Variants in COL21A1 observed in about 807,000 individuals in gnomAD.
COL21A1 encodes collagen type XXI alpha 1 chain, also known as collagen alpha-1(XXI) chain.
In COL21A1, 149 loss-of-function variants were observed where a neutral mutation model predicts 137.9. The observed-to-expected ratio is 1.08, with a 90% CI of 0.95 to 1.24. COL21A1 has a LOEUF of 1.24. Among genes scored for constraint, COL21A1 ranks in the 50% most tolerant of loss-of-function variants. COL21A1 has a pLI of 0.00. For missense variants in COL21A1, 1,167 were observed against 1,158.4 expected (o/e 1.01, Z -0.11); for synonymous variants, 456 against 391.5 (o/e 1.16, Z -1.95).
At chr6:56,362,945 A>G (rs1766008932) in intron 1 of COL21A1, among the ~76,000 whole-genome samples, 1 of 152,110 alleles carries the variant, frequency 6.6e-6, no homozygotes, top group Non-Finnish European at 1.5e-5. Flanking sequence ...GCTTATCACA[A>G]TGATGCCTTT....
At position 56,337,389 on chromosome 6, in the gene COL21A1, T is replaced by C. The variant is rs563488124; in HGVS notation, c.-39+56582A>G. 2.6e-5 allele frequency among the ~76,000 whole-genome samples: 4 copies of C among 152,376 alleles called. No homozygotes were observed. The East Asian group carries it at 7.7e-4, about 29-fold the overall frequency. ...TATTCCTCTGAGAATAAATTATTTCTTCAAGGGGGTCTGCCTATAAATAGC... is the reference window on the plus strand; with the variant it reads ...TATTCCTCTGAGAATAAATTATTTCCTCAAGGGGGTCTGCCTATAAATAGC... On this transcript the variant is annotated intron_variant, in intron 1 of 28. Coordinates refer to the COL21A1 transcript ENST00000370819.
At chr6:56,131,369 C>T (rs962146389) in intron 12 of COL21A1, among the ~76,000 whole-genome samples, 4 of 150,772 alleles carry the variant, frequency 2.7e-5, no homozygotes, top group African/African-American at 9.8e-5. Flanking sequence ...TATGCGCTCA[C>T]AAAATAATTG....
intron 1 of COL21A1, among the ~76,000 whole-genome samples, chr6:56,234,619 CA>C (rs1283917161): frequency 6.6e-6 from 1 of 151,388 alleles, no homozygotes; most frequent in Non-Finnish European, 1.5e-5. Flanking sequence ...TTCTAAAATA[CA>C]AAAAATTTGC....
At chr6:56,197,880 A>C in intron 1 of COL21A1, among the ~76,000 whole-genome samples, 1 of 152,080 alleles carries the variant, frequency 6.6e-6, no homozygotes, top group East Asian at 1.9e-4. Context: ...TAAAATCACT[A>C]TCTCAAAGAG....
At chr6:56,127,202 A>G (rs1185787853) in intron 12 of COL21A1, among the ~76,000 whole-genome samples, 1 of 152,200 alleles carries the variant, frequency 6.6e-6, no homozygotes, top group East Asian at 1.9e-4. Context: ...TTAATCCTCA[A>G]TTACAGCTTT....
In COL21A1 at chr6:56,124,082, T is replaced by G; in HGVS notation, c.1738A>C (p.Met580Leu). ...AATACCTTGAAACCGGGACTACCCATTAATCCATCCTTTCCATGTCTTCCT... is the reference window on the plus strand; with the variant it reads ...AATACCTTGAAACCGGGACTACCCAGTAATCCATCCTTTCCATGTCTTCCT... The part of the protein sequence containing the change: ...EPGRHGKDGL[M>L]GSPGFKGEAG... Residue 580 changes from methionine (M) to leucine (L), a missense_variant, in exon 16 of 30, where the codon ATG (methionine) becomes CTG (leucine). By Grantham distance (15) the Met-to-Leu change is conservative. Coordinates refer to ENST00000244728, the MANE Select transcript of COL21A1 (RefSeq NM_030820.4). 1 of 1,531,604 alleles carries G rather than the reference T, an allele frequency of 6.5e-7. No homozygotes were observed. The allele number at this position is 1,531,604 out of a possible 1,614,324, so 94.9% of individuals were successfully genotyped here.
At chr6:56,336,133 A>G (rs1258244479) in intron 1 of COL21A1, among the ~76,000 whole-genome samples, 1 of 152,240 alleles carries the variant, frequency 6.6e-6, no homozygotes, top group Non-Finnish European at 1.5e-5. Flanking sequence ...CTCAAAGTAC[A>G]TCAGCCTCAG....
intron 17 of COL21A1, among the ~76,000 whole-genome samples, chr6:56,098,363 G>A (rs962382840): frequency 0.97 from 33,194 of 34,296 alleles, 16,093 homozygotes; most frequent in Middle Eastern, 1. Flanking sequence ...ATATATATAT[G>A]AATATATATA....
At chr6:56,073,891 T>A (rs968688836) in intron 20 of COL21A1, among the ~76,000 whole-genome samples, 66 of 151,448 alleles carry the variant, frequency 4.4e-4, no homozygotes, top group Non-Finnish European at 7.8e-4. Context: ...GTAAGAGATA[T>A]TCTTATTCAT....
At chr6:56,085,077 C>T (rs1768111874) in intron 17 of COL21A1, among the ~76,000 whole-genome samples, 1 of 152,014 alleles carries the variant, frequency 6.6e-6, no homozygotes, top group Non-Finnish European at 1.5e-5. Flanking sequence ...GCAAAATCAG[C>T]TTTCCCAGGC....
intron 1 of COL21A1, among the ~76,000 whole-genome samples, chr6:56,267,635 A>T (rs1206022677): frequency 6.6e-6 from 1 of 152,066 alleles, no homozygotes; most frequent in Non-Finnish European, 1.5e-5. Context: ...AGGCGCCTGT[A>T]ATCCCAGCTA....
At chr6:56,278,403 C>G (rs956386411) in intron 1 of COL21A1, among the ~76,000 whole-genome samples, 1 of 152,058 alleles carries the variant, frequency 6.6e-6, no homozygotes, top group Non-Finnish European at 1.5e-5. Flanking sequence ...AGAAAAAAAG[C>G]TCTTTTGTAT....
intron 1 of COL21A1, among the ~76,000 whole-genome samples, chr6:56,361,601 A>G (rs1426652789): frequency 2.6e-5 from 4 of 152,316 alleles, no homozygotes; most frequent in Middle Eastern, 3.4e-3. Flanking sequence ...AATAACTACA[A>G]TTTTGGTTTT....
At chr6:56,074,332 TA>T in intron 19 of COL21A1, 47 bp from the exon 20 acceptor site, 2 of 1,235,770 alleles carry the variant, frequency 1.6e-6, no homozygotes, top group Non-Finnish European at 2.3e-6. Context: ...AGAAGATTAT[TA>T]AAAAATATTA....
intron 1 of COL21A1, among the ~76,000 whole-genome samples, chr6:56,291,517 G>A (rs1431663487): frequency 6.6e-6 from 1 of 152,232 alleles, no homozygotes; most frequent in Non-Finnish European, 1.5e-5. Context: ...TGCAAAAGCT[G>A]AGCACAAAGT....
chr6:56,170,047 A>G (rs1776909688), intron 5 of COL21A1, among the ~76,000 whole-genome samples: 1 of 151,890 alleles, frequency 6.6e-6, no homozygotes, highest in Non-Finnish European at 1.5e-5. Flanking sequence ...TTATTATTGC[A>G]TCTGGATTCT....
chr6:56,314,752 A>C (rs1764692725), intron 1 of COL21A1, among the ~76,000 whole-genome samples: 1 of 152,216 alleles, frequency 6.6e-6, no homozygotes, highest in African/African-American at 2.4e-5. Flanking sequence ...ACGAGAAGAA[A>C]TAGAAACATA....
chr6:56,170,074 A>G (rs1012977711), intron 5 of COL21A1, among the ~76,000 whole-genome samples: 3 of 151,888 alleles, frequency 2.0e-5, no homozygotes, highest in African/African-American at 7.2e-5. Context: ...ATGATTTTGA[A>G]AATAAACTTT....
chr6:56,129,960 T>C (rs546783357), intron 12 of COL21A1, among the ~76,000 whole-genome samples: 14 of 151,422 alleles, frequency 9.2e-5, no homozygotes, highest in Admixed American at 2.0e-4. Context: ...TCAAAGTGTG[T>C]GTGTGTGTGT....
Sources: allele counts gnomAD v4.1 joint callset (sites outside exome capture counted in the v4.1 genomes callset), GRCh38; gene constraint gnomAD v4.1.1; transcripts MANE v1.5; gene names NCBI Gene and HGNC (gene_info 2026-07-23, HGNC 2026-07-21).